The following RAP1GAP2 variants were observed in gnomAD, a reference collection of about 807,000 sequenced individuals.
RAP1GAP2 encodes RAP1 GTPase activating protein 2.
Under a neutral mutation model 95.0 loss-of-function variants are expected in RAP1GAP2, and 27 were observed. That is an observed-to-expected ratio of 0.28 (90% CI 0.21 to 0.39). The LOEUF (loss-of-function observed/expected upper bound fraction) is 0.39, where lower values mean the gene tolerates loss of function less well. RAP1GAP2 is among the 10% of genes least tolerant of loss of function. The probability of loss-of-function intolerance (pLI) is 1.00; values close to 1 mark genes in which losing one functional copy is unlikely to be tolerated. For synonymous variants in RAP1GAP2, 373 were observed against 380.9 expected (o/e 0.98, Z 0.24); for missense variants, 771 against 970.0 (o/e 0.79, Z 2.72).
chr17:2,908,418 C>T (rs1472945278), intron 3 of RAP1GAP2, among the ~76,000 whole-genome samples: 1 of 152,078 alleles, frequency 6.6e-6, no homozygotes, highest in Non-Finnish European at 1.5e-5. Context: ...TGGAAAATCA[C>T]CTGGCGTCAT....
At chr17:2,998,015 C>T (rs547394007) in intron 13 of RAP1GAP2, among the ~76,000 whole-genome samples, 5 of 152,156 alleles carry the variant, frequency 3.3e-5, no homozygotes, top group East Asian at 1.9e-4. Flanking sequence ...ACACAAAGCA[C>T]GAAGCGTGTT....
At chr17:2,889,802 C>T (rs2073627485) in intron 2 of RAP1GAP2, among the ~76,000 whole-genome samples, 1 of 145,694 alleles carries the variant, frequency 6.9e-6, no homozygotes, top group African/African-American at 2.5e-5. Flanking sequence ...CCTGCCTCAG[C>T]CTCCAGAGTA....
chr17:2,781,580 CTGTG>C (rs1295946747), intron 1 of RAP1GAP2, among the ~76,000 whole-genome samples: 2 of 149,918 alleles, frequency 1.3e-5, no homozygotes, highest in Non-Finnish European at 3.0e-5. Flanking sequence ...GTGCAGGTCT[CTGTG>C]TGGGCACGTC....
At chr17:2,916,224 C>T (rs1373171976) in intron 3 of RAP1GAP2, among the ~76,000 whole-genome samples, 1 of 152,150 alleles carries the variant, frequency 6.6e-6, no homozygotes, top group Non-Finnish European at 1.5e-5. Context: ...ATTGTCTCTC[C>T]AACCATGGTG....
At chr17:2,820,000 C>A (rs1186936885) in intron 2 of RAP1GAP2, among the ~76,000 whole-genome samples, 1 of 151,694 alleles carries the variant, frequency 6.6e-6, no homozygotes, top group Non-Finnish European at 1.5e-5. Context: ...CTTGCTGTCT[C>A]AAACTTCTGG....
At chr17:3,014,011 A>G (rs930136044) in intron 17 of RAP1GAP2, among the ~76,000 whole-genome samples, 1 of 152,198 alleles carries the variant, frequency 6.6e-6, no homozygotes, top group South Asian at 2.1e-4. Flanking sequence ...GTGTCACTCA[A>G]CGACGGGAAA....
chr17:2,860,986 C>G (rs2072361212), intron 2 of RAP1GAP2, among the ~76,000 whole-genome samples: 1 of 152,148 alleles, frequency 6.6e-6, no homozygotes, highest in Non-Finnish European at 1.5e-5. Flanking sequence ...ACCTCACCTC[C>G]CAACTTGTCG....
intron 16 of RAP1GAP2, among the ~76,000 whole-genome samples, chr17:3,006,817 C>T (rs2046355363): frequency 6.6e-6 from 1 of 151,822 alleles, no homozygotes. Context: ...CAGTTTCTAT[C>T]CCTGGAGAGT....
At chr17:2,932,941 C>T (rs1434758735) in intron 3 of RAP1GAP2, among the ~76,000 whole-genome samples, 3 of 152,118 alleles carry the variant, frequency 2.0e-5, no homozygotes, top group Non-Finnish European at 4.4e-5. Context: ...CCCTTTCCTC[C>T]TCCAGGCACA....
Position 2,870,371 on chromosome 17 carries a change from C to T in RAP1GAP2, c.81-34913C>T, listed in dbSNP as rs183695982. 6.2e-3 allele frequency among the ~76,000 whole-genome samples: 939 copies of T among 152,222 alleles called. 10 individuals carry two copies. Among genetic ancestry groups the T allele is most frequent in the Non-Finnish European group, 7.4e-3 (500 of 68,022 alleles). ...TGACCTCGTGATCTGCCTGCCTCGT[C>T]CTCCCAAAGTGCTGGGATTACAGGC... On this transcript the variant is annotated intron_variant, in intron 2 of 24. Transcript: ENST00000254695. The surrounding 1 kb of genome is among the most constrained non-coding windows in gnomAD (Gnocchi z 4.4).
intron 4 of RAP1GAP2, among the ~76,000 whole-genome samples, chr17:2,960,473 G>T (rs1252488486): frequency 6.6e-6 from 1 of 152,216 alleles, no homozygotes; most frequent in Admixed American, 6.5e-5. Flanking sequence ...CCTGAACAAT[G>T]CTGCAAGGCG....
intron 3 of RAP1GAP2, among the ~76,000 whole-genome samples, 155 bp from the exon 4 acceptor site, chr17:2,957,604 A>T (rs2044165446): frequency 6.6e-6 from 1 of 152,118 alleles, no homozygotes; most frequent in South Asian, 2.1e-4. Flanking sequence ...AGCCCTGCAA[A>T]GGCAAAATCA....
intron 16 of RAP1GAP2, among the ~76,000 whole-genome samples, chr17:3,006,764 G>T (rs1410145305): frequency 6.6e-6 from 1 of 152,118 alleles, no homozygotes; most frequent in Admixed American, 6.6e-5. Context: ...CCTACTATGT[G>T]TCAGGCCCTA....
intron 11 of RAP1GAP2, among the ~76,000 whole-genome samples, chr17:2,986,379 C>G (rs758987151): frequency 2.6e-5 from 4 of 152,090 alleles, no homozygotes; most frequent in Middle Eastern, 3.4e-3. Flanking sequence ...AATTAAAGTT[C>G]TTTGCTTGTG....
At chr17:2,769,179 C>T (rs996654428) in intron 1 of RAP1GAP2, among the ~76,000 whole-genome samples, 2 of 133,110 alleles carry the variant, frequency 1.5e-5, no homozygotes, top group Non-Finnish European at 3.1e-5. Context: ...CTTCAGTGAA[C>T]TATAATTGCG....
chr17:2,975,698 C>T (rs920721693), intron 8 of RAP1GAP2, among the ~76,000 whole-genome samples: 1 of 152,240 alleles, frequency 6.6e-6, no homozygotes, highest in Non-Finnish European at 1.5e-5. Flanking sequence ...AGGGTGGTCT[C>T]CTGTGCAGTT....
rs773618615 is a variant in RAP1GAP2, at chr17:2,800,539, T to C, written c.69T>C (p.Ser23=). 6.2e-7 allele frequency: 1 copy of C among 1,612,984 alleles called. No individual in the cohort carries two copies. The highest frequency in any genetic ancestry group is 8.5e-7 in the Non-Finnish European group (1 of 1,179,470). Residue 23 remains serine, a synonymous_variant, in exon 2 of 25, where the codon AGT becomes AGC. Transcript: ENST00000254695. ...GGATCGACAAGACCATGCTGGCAAG[T>C]CTGAAGGTCAAGTAAGTAGCAATTT... is the stretch of plus-strand genomic sequence containing the variant. ...FGWIDKTMLA[S]LKVKKQELAN... is the part of the protein sequence containing the mutation.
At chr17:2,760,659 T>C (rs940384179) in intron 1 of RAP1GAP2, among the ~76,000 whole-genome samples, 4 of 151,522 alleles carry the variant, frequency 2.6e-5, no homozygotes. Context: ...CTTTTTTTTT[T>C]ACTTACGGTA....
chr17:2,804,426 C>T (rs560276665), intron 2 of RAP1GAP2, among the ~76,000 whole-genome samples: 1 of 152,348 alleles, frequency 6.6e-6, no homozygotes, highest in Admixed American at 6.5e-5. Flanking sequence ...CGTTCAAGGT[C>T]TTCAGGGAGG....
Sources: allele counts gnomAD v4.1 joint callset (sites outside exome capture counted in the v4.1 genomes callset), GRCh38; gene constraint gnomAD v4.1.1; non-coding constraint Gnocchi (gnomAD v3.1); transcripts MANE v1.5; gene names NCBI Gene and HGNC (gene_info 2026-07-23, HGNC 2026-07-21).